The following ZMYND11 variants were observed in gnomAD, a reference collection of about 807,000 sequenced individuals.
ZMYND11 encodes the protein zinc finger MYND-type containing 11, also known as zinc finger MYND domain-containing protein 11.
In ZMYND11, 9 loss-of-function variants were observed where a neutral mutation model predicts 84.9. The ratio of observed to expected loss-of-function variants is 0.11; its 90% CI spans 0.06 to 0.18. The LOEUF (loss-of-function observed/expected upper bound fraction) is 0.18. Among genes scored for constraint, ZMYND11 ranks in the 10% least tolerant of loss-of-function variants. ZMYND11 has a pLI of 1.00. For synonymous variants in ZMYND11, 250 were observed against 244.1 expected, an observed-to-expected ratio of 1.02 and a Z score of -0.23; for missense variants, 409 against 761.0, an observed-to-expected ratio of 0.54 and a Z score of 5.44.
intron 4 of ZMYND11, among the ~76,000 whole-genome samples, chr10:222,138 G>C (rs2131432776): frequency 6.6e-6 from 1 of 152,264 alleles, no homozygotes. Flanking sequence ...ACATTGTTGA[G>C]ATTACTCGTG....
At chr10:147,475 T>C (rs1839171266) in intron 1 of ZMYND11, among the ~76,000 whole-genome samples, 1 of 152,052 alleles carries the variant, frequency 6.6e-6, no homozygotes, top group South Asian at 2.1e-4. Context: ...TTTTCAAGCT[T>C]CAAATTTTTA....
chr10:167,016 C>T (rs1217554143), intron 1 of ZMYND11, among the ~76,000 whole-genome samples: 1 of 152,058 alleles, frequency 6.6e-6, no homozygotes, highest in Non-Finnish European at 1.5e-5. Context: ...CTGTATGATT[C>T]CACTCATGAA....
At chr10:202,819 C>G (rs1177689128) in intron 2 of ZMYND11, among the ~76,000 whole-genome samples, 1 of 152,020 alleles carries the variant, frequency 6.6e-6, no homozygotes, top group Non-Finnish European at 1.5e-5. Context: ...AAGTTGAGCC[C>G]AACATGCTAG....
At chr10:213,034 A>G (rs755157022) in intron 3 of ZMYND11, among the ~76,000 whole-genome samples, 2 of 152,176 alleles carry the variant, frequency 1.3e-5, no homozygotes, top group African/African-American at 2.4e-5. Flanking sequence ...AGGAGGACAT[A>G]TAATTGTTTC....
intron 4 of ZMYND11, among the ~76,000 whole-genome samples, chr10:234,240 T>A (rs1176823674): frequency 6.6e-6 from 1 of 152,234 alleles, no homozygotes; most frequent in Non-Finnish European, 1.5e-5. Context: ...CAGCAACTCC[T>A]GCACATAATG....
chr10:215,495 CAA>C (rs908790220), intron 3 of ZMYND11, among the ~76,000 whole-genome samples: 4 of 151,766 alleles, frequency 2.6e-5, no homozygotes, highest in Non-Finnish European at 5.9e-5. Flanking sequence ...GCTTGTGACT[CAA>C]GAGCAACTGC....
chr10:218,540 C>T (rs1265200704), intron 3 of ZMYND11: 1 of 309,354 alleles, frequency 3.2e-6, no homozygotes, highest in Non-Finnish European at 6.6e-6. Flanking sequence ...TATAATTCTG[C>T]TTTATTTTTT....
upstream of ZMYND11, among the ~76,000 whole-genome samples, chr10:132,840 T>C (rs1236303688): frequency 6.6e-6 from 1 of 152,074 alleles, no homozygotes; most frequent in Non-Finnish European, 1.5e-5. Flanking sequence ...CAGAGACAGC[T>C]CCCCGACAGC....
chr10:170,242 C>T (rs1844972282), intron 1 of ZMYND11, among the ~76,000 whole-genome samples: 1 of 151,776 alleles, frequency 6.6e-6, no homozygotes, highest in Admixed American at 6.6e-5. Context: ...AATTTTTTGC[C>T]TTGTAATAAA....
chr10:130,203 G>C (rs1406840016), upstream of ZMYND11, among the ~76,000 whole-genome samples: 1 of 152,168 alleles, frequency 6.6e-6, no homozygotes, highest in Non-Finnish European at 1.5e-5. Context: ...TGTTTCTTCT[G>C]TTCCAGGTAA....
chr10:239,658 T>C, intron 7 of ZMYND11, 133 bp downstream of exon 7: 1 of 718,414 alleles, frequency 1.4e-6, no homozygotes, highest in Non-Finnish European at 2.3e-6. Flanking sequence ...GAGTATAAGG[T>C]TAGGAATATC....
chr10:162,753 G>C (rs1471520235), intron 1 of ZMYND11, among the ~76,000 whole-genome samples: 1 of 152,026 alleles, frequency 6.6e-6, no homozygotes, highest in African/African-American at 2.4e-5. Flanking sequence ...TAAGATTTTG[G>C]CATGGATGTT....
intron 2 of ZMYND11, among the ~76,000 whole-genome samples, chr10:197,552 T>G (rs1942111622): frequency 6.6e-6 from 1 of 152,236 alleles, no homozygotes; most frequent in Non-Finnish European, 1.5e-5. Flanking sequence ...GTTGCAGATT[T>G]GCCTTTCCGT....
chr10:195,788 T>A (rs1420322281), intron 2 of ZMYND11, among the ~76,000 whole-genome samples: 1 of 152,222 alleles, frequency 6.6e-6, no homozygotes, highest in Non-Finnish European at 1.5e-5. Flanking sequence ...TGGTTTCTGC[T>A]TTCTTTCCTA....
intron 10 of ZMYND11, among the ~76,000 whole-genome samples, chr10:245,242 T>G (rs1951877310): frequency 6.6e-6 from 1 of 152,238 alleles, no homozygotes; most frequent in African/African-American, 2.4e-5. Context: ...AATAATGTTA[T>G]GGAAGTTCAA....
chr10:222,145 C>G (rs1037312680), intron 4 of ZMYND11, among the ~76,000 whole-genome samples: 2 of 152,072 alleles, frequency 1.3e-5, no homozygotes, highest in Non-Finnish European at 2.9e-5. Context: ...TGAGATTACT[C>G]GTGATTTCCA....
Position 152,461 on chromosome 10 carries a change from G to A in ZMYND11, c.-20+16902G>A, listed in dbSNP as rs186075391. On this transcript the variant is annotated intron_variant, in intron 1 of 14. Transcript: ENST00000381604. ...CCTTAAACCAACAAAAATCAAAAGA[G>A]ACAAAGCCATTACATATTGGTAAAG... Among the ~76,000 whole-genome samples, 161 of 152,184 alleles carry A rather than the reference G, an allele frequency of 1.1e-3. 1 individual carries two copies. The highest frequency in any genetic ancestry group is 8.2e-3 in the Admixed American group (126 of 15,284).
At chr10:231,952 C>A (rs1949079830) in intron 4 of ZMYND11, among the ~76,000 whole-genome samples, 1 of 152,134 alleles carries the variant, frequency 6.6e-6, no homozygotes, top group Non-Finnish European at 1.5e-5. Flanking sequence ...CGTATGCCAC[C>A]AGGTGATACG....
chr10:153,384 G>A (rs1418775807), intron 1 of ZMYND11, among the ~76,000 whole-genome samples: 4 of 152,146 alleles, frequency 2.6e-5, no homozygotes, highest in Admixed American at 6.5e-5. Context: ...GACAGTGATT[G>A]TGTCATTGTA....
Sources: gnomAD v4.1 joint callset for allele counts (sites outside exome capture counted in the v4.1 genomes callset) on GRCh38, gnomAD v4.1.1 for gene constraint, MANE v1.5 for transcripts, NCBI Gene and HGNC (gene_info 2026-07-23, HGNC 2026-07-21) for gene names.